Variants in TEX2 observed in about 807,000 individuals in gnomAD.
TEX2 encodes testis-expressed protein 2.
TEX2 carries 53 observed loss-of-function variants against 106.9 expected under a neutral mutation model. That is an observed-to-expected ratio of 0.50 (90% CI 0.40 to 0.62). The LOEUF (loss-of-function observed/expected upper bound fraction) is 0.62. Among genes scored for constraint, TEX2 ranks in the 20% least tolerant of loss-of-function variants. TEX2 has a pLI of 0.00. For missense variants in TEX2, 1,207 were observed against 1,379.0 expected (o/e 0.88, Z 1.98); for synonymous variants, 523 against 534.8 (o/e 0.98, Z 0.30).
intron 1 of TEX2, among the ~76,000 whole-genome samples, chr17:64,246,205 T>C (rs1555636265): frequency 6.6e-6 from 1 of 152,208 alleles, no homozygotes; most frequent in African/African-American, 2.4e-5. Context: ...TGACTCTAAA[T>C]TTCTGCTAAC....
At chr17:64,202,749 T>A (rs1173520094) in intron 2 of TEX2, among the ~76,000 whole-genome samples, 2 of 152,216 alleles carry the variant, frequency 1.3e-5, no homozygotes, top group Admixed American at 1.3e-4. Context: ...ATAGCAACAT[T>A]CCATTTCAAC....
At chr17:64,164,316 TAGTCCC>T (rs1456577228) in intron 7 of TEX2, among the ~76,000 whole-genome samples, 1 of 152,018 alleles carries the variant, frequency 6.6e-6, no homozygotes. Context: ...TGCGCACCTG[TAGTCCC>T]AGCTGCTAGG....
At chr17:64,211,985 G>A (rs1042172176) in intron 2 of TEX2, among the ~76,000 whole-genome samples, 1 of 152,170 alleles carries the variant, frequency 6.6e-6, no homozygotes, top group Non-Finnish European at 1.5e-5. Flanking sequence ...CGTCTCAATC[G>A]ACAGATTAGA....
At chr17:64,263,094 G>C (rs1555638837) in intron 1 of TEX2, 74 bp downstream of exon 1, 1 of 152,254 alleles carries the variant, frequency 6.6e-6, no homozygotes, top group African/African-American at 2.4e-5. Context: ...CCGCGGGGTC[G>C]ATCCGCGCCC....
chr17:64,160,672 C>A (rs2030840791), intron 8 of TEX2, 129 bp downstream of exon 8: 4 of 1,195,054 alleles, frequency 3.3e-6, no homozygotes, highest in Non-Finnish European at 4.7e-6. Context: ...ATGCTCTGGT[C>A]CAGGAGCACT....
chr17:64,212,547 C>T (rs2033034388), intron 2 of TEX2, 27 bp downstream of exon 2: 1 of 1,583,672 alleles, frequency 6.3e-7, no homozygotes, highest in Non-Finnish European at 8.6e-7. Context: ...AGTGTGTGTA[C>T]TAGCCAGCTC....
At chr17:64,157,426 C>G (rs1038957862) in intron 8 of TEX2, among the ~76,000 whole-genome samples, 1 of 152,164 alleles carries the variant, frequency 6.6e-6, no homozygotes, top group Non-Finnish European at 1.5e-5. Flanking sequence ...ATTTCTTGGT[C>G]TCATAATGAC....
chr17:64,177,870 C>T (rs1180479961), intron 5 of TEX2, among the ~76,000 whole-genome samples: 1 of 152,226 alleles, frequency 6.6e-6, no homozygotes, highest in Admixed American at 6.5e-5. Flanking sequence ...AGCTGGTGCT[C>T]ATCCGGGCAG....
chr17:64,222,664 C>T (rs185580471), intron 1 of TEX2, among the ~76,000 whole-genome samples: 31 of 152,126 alleles, frequency 2.0e-4, no homozygotes, highest in Non-Finnish European at 1.0e-4. Context: ...AAAGATTTCA[C>T]TCTTCAAAAC....
At chr17:64,203,970 A>G (rs2143977091) in intron 2 of TEX2, among the ~76,000 whole-genome samples, 1 of 152,360 alleles carries the variant, frequency 6.6e-6, no homozygotes, top group Middle Eastern at 3.4e-3. Context: ...ACTGACAGAC[A>G]GTAATAGAAT....
intron 8 of TEX2, among the ~76,000 whole-genome samples, chr17:64,158,356 C>T (rs1250657764): frequency 6.6e-6 from 1 of 152,162 alleles, no homozygotes; most frequent in East Asian, 1.9e-4. Context: ...GAGATGAAGC[C>T]GAGGCCCTGC....
intron 1 of TEX2, among the ~76,000 whole-genome samples, chr17:64,228,391 T>C (rs2033564794): frequency 6.6e-6 from 1 of 152,178 alleles, no homozygotes; most frequent in South Asian, 2.1e-4. Flanking sequence ...CAACTCACAA[T>C]AATGTAGAAT....
At chr17:64,201,131 C>T (rs559518684) in intron 2 of TEX2, among the ~76,000 whole-genome samples, 1 of 152,310 alleles carries the variant, frequency 6.6e-6, no homozygotes, top group East Asian at 1.9e-4. Flanking sequence ...CTGAAACCAA[C>T]TCACCTACCT....
chr17:64,161,102 C>T (rs62073141), intron 7 of TEX2, among the ~76,000 whole-genome samples, 169 bp from the exon 8 acceptor site: 14,874 of 152,132 alleles, frequency 0.098, 863 homozygotes, highest in South Asian at 0.16. Flanking sequence ...TCGACACACA[C>T]GAGAACAGGT....
At position 64,147,654 on chromosome 17, in the gene TEX2, C is replaced by T. The variant is rs1438413916; in HGVS notation, c.*1315G>A. On this transcript the variant is annotated 3_prime_UTR_variant, in exon 12 of 12. Coordinates refer to ENST00000584379, the MANE Select transcript of TEX2 (RefSeq NM_001288732.2). ...CAGATCGGCCTACACAACGAAAAAT[C>T]AGAACAGTACACCAACTGGAATGGT... The T allele has an allele frequency of 6.6e-6, 1 of 152,536 alleles. No individual in the cohort carries two copies. The highest frequency in any genetic ancestry group is 6.5e-5 in the Admixed American group (1 of 15,274). 9.4% of individuals were successfully genotyped at this position (152,536 alleles called of 1,614,324 possible).
intron 4 of TEX2, among the ~76,000 whole-genome samples, chr17:64,189,779 C>T (rs1312884210): frequency 3.3e-5 from 5 of 151,962 alleles, no homozygotes; most frequent in Non-Finnish European, 5.9e-5. Context: ...GTCAGGAGTT[C>T]GAGACCAGCC....
intron 1 of TEX2, among the ~76,000 whole-genome samples, chr17:64,254,136 G>C (rs1358207313): frequency 6.6e-6 from 1 of 152,150 alleles, no homozygotes; most frequent in Non-Finnish European, 1.5e-5. Flanking sequence ...AGCAGCTTGA[G>C]TTCTTTTCAC....
chr17:64,209,209 C>A (rs1488275798), intron 2 of TEX2, among the ~76,000 whole-genome samples: 2 of 152,134 alleles, frequency 1.3e-5, no homozygotes, highest in African/African-American at 4.8e-5. Flanking sequence ...TTTTAAAGTA[C>A]CATAGTTTAA....
At chr17:64,193,464 C>G (rs2032365106) in intron 4 of TEX2, 95 bp downstream of exon 4, 32,995 of 489,524 alleles carry the variant, frequency 0.067, no homozygotes, top group Non-Finnish European at 0.087. Flanking sequence ...TCAGGGTGGG[C>G]TTCCTTCCTT....
Sources: gnomAD v4.1 joint callset for allele counts (sites outside exome capture counted in the v4.1 genomes callset) on GRCh38, gnomAD v4.1.1 for gene constraint, MANE v1.5 for transcripts, NCBI Gene and HGNC (gene_info 2026-07-23, HGNC 2026-07-21) for gene names.